OR1C1: variants seen among roughly 807,000 people sequenced by gnomAD.
The protein encoded by OR1C1 is olfactory receptor family 1 subfamily C member 1, also known as olfactory receptor 1C1.
For synonymous variants in OR1C1, 153 were observed against 154.6 expected, an observed-to-expected ratio of 0.99 and a Z score of 0.08; for missense variants, 407 against 384.3, an observed-to-expected ratio of 1.06 and a Z score of -0.49.
chr1:247,757,588 C>T lies in OR1C1; in HGVS notation c.819G>A (p.Leu273=). The part of the protein sequence containing the change: ...SSPHMPESDT[L]STIMYSMVAP... ...CCACCATTGAATACATGATGGTTGA[C>T]AGAGTGTCGCTCTCAGGCATATGGG... Residue 273 remains leucine, a synonymous_variant, in exon 2 of 2, where the codon CTG becomes CTA. Transcript: ENST00000641256. 6.2e-7 allele frequency: 1 copy of T among 1,614,076 alleles called. No individual in the cohort carries two copies. The highest frequency in any genetic ancestry group is 1.3e-5 in the African/African-American group (1 of 75,014).
intron 1 of OR1C1, among the ~76,000 whole-genome samples, chr1:247,759,880 G>A (rs1251030597): frequency 6.6e-6 from 1 of 152,110 alleles, no homozygotes; most frequent in Non-Finnish European, 1.5e-5. Flanking sequence ...GCATGTATTT[G>A]CATGCCTTTG....
At position 247,758,024 on chromosome 1, in the gene OR1C1, T is replaced by A. The variant is rs764321959; in HGVS notation, c.383A>T (p.His128Leu). ...CATTCTGGCGGTGTAATGTAAGGGG[T>A]GGCAAATCGCCACATATCTATCATA... The part of the protein sequence containing the change: ...MAYDRYVAIC[H>L]PLHYTARMNL... The change falls in exon 2 of 2, where the codon CAC (histidine) becomes CTC (leucine). Residue 128 changes from histidine (H) to leucine (L), a missense_variant. Physicochemically the swap from His to Leu is moderately conservative, Grantham distance 99 (BLOSUM62 -3). Coordinates refer to ENST00000641256, the MANE Select transcript of OR1C1 (RefSeq NM_012353.3). The A allele has an allele frequency of 1.9e-6, 3 of 1,613,650 alleles. No individual in the cohort carries two copies. The highest frequency in any genetic ancestry group is 1.3e-5 in the African/African-American group (1 of 74,772).
rs1282569398 is a variant in OR1C1 at position 247,755,125 on chromosome 1, A to C, written c.*2337T>G. ...TGAATATCCATATGGAGATGAATGG[A>C]ATTGGACCCTTATCTGACACCATAT... is the stretch of plus-strand genomic sequence containing the variant. On this transcript the variant is annotated 3_prime_UTR_variant, in exon 2 of 2. Transcript: ENST00000641256. 1 of 152,142 alleles carries C rather than the reference A, an allele frequency of 6.6e-6. No individual in the cohort carries two copies. Among genetic ancestry groups the C allele is most frequent in the Non-Finnish European group, 1.5e-5 (1 of 68,018 alleles). The allele number at this position is 152,142 out of a possible 1,614,324, so 9.4% of individuals were successfully genotyped here.
Position 247,757,247 on chromosome 1 carries a change from C to A in OR1C1, c.*215G>T. 2 of 514,176 alleles carry A rather than the reference C, an allele frequency of 3.9e-6. No individual in the cohort carries two copies. The highest frequency in any genetic ancestry group is 2.7e-5 in the South Asian group (1 of 37,272). 31.9% of individuals were successfully genotyped at this position (514,176 alleles called of 1,614,324 possible). On this transcript the variant is annotated 3_prime_UTR_variant, in exon 2 of 2. Coordinates refer to ENST00000641256, the MANE Select transcript of OR1C1 (RefSeq NM_012353.3). ...GGTTGTATGCAGACTATTTAACTTC[C>A]CTAAGATTCACTTTCTGTATAAAGA... is the stretch of plus-strand genomic sequence containing the variant.
At position 247,756,998 on chromosome 1, in the gene OR1C1, T is replaced by C. The variant is rs781540487; in HGVS notation, c.*464A>G. 37 of 155,790 alleles carry C rather than the reference T, an allele frequency of 2.4e-4. No homozygotes were observed. Among genetic ancestry groups the C allele is most frequent in the Non-Finnish European group, 4.0e-4 (28 of 70,150 alleles). 9.7% of individuals were successfully genotyped at this position (155,790 alleles called of 1,614,324 possible). On this transcript the variant is annotated 3_prime_UTR_variant, in exon 2 of 2. Coordinates refer to ENST00000641256, the MANE Select transcript of OR1C1 (RefSeq NM_012353.3). The surrounding 1 kb of genome is among the most constrained non-coding windows in gnomAD (Gnocchi z 4.3). ...AAGCATACATACTTTAAAACTTGAA[T>C]AAATTATTTTAGTGATTTTTAAGAA...
In OR1C1 at chr1:247,757,797, C is replaced by T. The variant is rs546732043; in HGVS notation, c.610G>A (p.Gly204Ser). 8.1e-5 allele frequency: 131 copies of T among 1,613,816 alleles called. No homozygotes were observed. In the Middle Eastern group the frequency reaches 9.9e-4, roughly 12 times the overall value. The change falls in exon 2 of 2, where the codon GGT becomes AGT. Residue 204 changes from glycine to serine, a missense_variant. Coordinates refer to ENST00000641256, the MANE Select transcript of OR1C1 (RefSeq NM_012353.3). ...ACAAGGGGCGTGAGAGCCAATAGAC[C>T]TCCTACTGCAAAAATGATCATTACA... The part of the protein sequence containing the change: ...FNVMIIFAVG[G>S]LLALTPLVCI...
chr1:247,759,601 G>A (rs1006984713), intron 1 of OR1C1, among the ~76,000 whole-genome samples: 11 of 152,100 alleles, frequency 7.2e-5, no homozygotes, highest in Admixed American at 3.3e-4. Flanking sequence ...TGTATGACAA[G>A]GATCCTAATG....
intron 1 of OR1C1, among the ~76,000 whole-genome samples, chr1:247,759,292 T>C (rs947764213): frequency 6.6e-6 from 1 of 152,220 alleles, no homozygotes; most frequent in African/African-American, 2.4e-5. Flanking sequence ...ATCCGTACTT[T>C]CCTTCAGCAA....
Position 247,757,340 on chromosome 1 carries a change from C to T in OR1C1, c.*122G>A, listed in dbSNP as rs139694907. 405 of 714,678 alleles carry T rather than the reference C, an allele frequency of 5.7e-4. 3 individuals are homozygous for T. The East Asian group carries it at 8.2e-3, about 14-fold the overall frequency. The allele number at this position is 714,678 out of a possible 1,614,324, so 44.3% of individuals were successfully genotyped here. On this transcript the variant is annotated 3_prime_UTR_variant, in exon 2 of 2. Transcript: ENST00000641256. The stretch of plus-strand genomic sequence containing the variant: ...GATAATTCATATAAAGTGCTTAACA[C>T]GATTTCCAGCATAAGGGAGACATTT...
rs112674993 is a variant in OR1C1 at position 247,755,130 on chromosome 1, G to A, written c.*2332C>T. The A allele has an allele frequency of 4.6e-5, 7 of 152,138 alleles. No individual in the cohort carries two copies. Among genetic ancestry groups the A allele is most frequent in the African/African-American group, 9.6e-5 (4 of 41,520 alleles). 9.4% of individuals were successfully genotyped at this position (152,138 alleles called of 1,614,324 possible). A position where few individuals can be genotyped will look rare whatever the true frequency, so the allele number is the denominator to read the frequency against. On this transcript the variant is annotated 3_prime_UTR_variant, in exon 2 of 2. Transcript: ENST00000641256. ...ATCCATATGGAGATGAATGGAATTG[G>A]ACCCTTATCTGACACCATATACAAA...
Position 247,757,964 on chromosome 1 carries a change from A to C in OR1C1, c.443T>G (p.Leu148Arg). ...LCLCVQLVAGLWLVTYLHALL... is the reference protein window; with the variant it reads ...LCLCVQLVAGRWLVTYLHALL... ...GGCGTGGAGGTAAGTAACAAGCCAC[A>C]GTCCAGCCACTAGCTGGACACAAAG... The change falls in exon 2 of 2, where the codon CTG (leucine) becomes CGG (arginine). Residue 148 changes from leucine (L) to arginine (R), a missense_variant. Physicochemically the swap from Leu to Arg is moderately radical, Grantham distance 102. Coordinates refer to ENST00000641256, the MANE Select transcript of OR1C1 (RefSeq NM_012353.3). 6.2e-7 allele frequency: 1 copy of C among 1,614,134 alleles called. No individual in the cohort carries two copies. The highest frequency in any genetic ancestry group is 8.5e-7 in the Non-Finnish European group (1 of 1,180,024).
In OR1C1 at chr1:247,757,522, C is replaced by T. The variant is rs749592913; in HGVS notation, c.885G>A (p.Arg295=). Residue 295 remains arginine, a synonymous_variant, in exon 2 of 2, where the codon AGG becomes AGA. Coordinates refer to ENST00000641256, the MANE Select transcript of OR1C1 (RefSeq NM_012353.3). ...LNPFIYTLRN[R]DMKRGLQKML... ...TTTTCTGAAGTCCCCTCTTCATATC[C>T]CTGTTCCTTAGGGTATAGATGAAAG... 1.5e-5 allele frequency: 25 copies of T among 1,613,800 alleles called. No homozygotes were observed. In the Admixed American group the frequency reaches 2.2e-4, roughly 14 times the overall value.
At chr1:247,759,264 A>G (rs10749655) in intron 1 of OR1C1, among the ~76,000 whole-genome samples, 129,488 of 152,182 alleles carry the variant, frequency 0.85, 56,794 homozygotes, top group East Asian at 0.99. Context: ...AAGCAAGCAA[A>G]CATACATCAT....
chr1:247,759,621 T>C (rs898579365), intron 1 of OR1C1, among the ~76,000 whole-genome samples: 3 of 152,184 alleles, frequency 2.0e-5, no homozygotes, highest in African/African-American at 7.2e-5. Context: ...GAAAATAACA[T>C]AATGTAGCAC....
rs527504757 is a variant in OR1C1, at chr1:247,760,397, T to A, written c.-14+15A>T. The A allele has an allele frequency of 7.2e-5, 11 of 152,186 alleles. No individual in the cohort carries two copies. Among genetic ancestry groups the A allele is most frequent in the African/African-American group, 2.6e-4 (11 of 41,534 alleles). The allele number at this position is 152,186 out of a possible 1,614,324, so 9.4% of individuals were successfully genotyped here. ...GTCTTCACTAAAACAAAGAAAAAAATGTATGAATACATACCCTTTTCTGAG... is the reference window on the plus strand; with the variant it reads ...GTCTTCACTAAAACAAAGAAAAAAAAGTATGAATACATACCCTTTTCTGAG... On this transcript the variant is annotated intron_variant, in intron 1 of 1. Transcript: ENST00000641256.
In OR1C1 at chr1:247,758,284, C is replaced by T. The variant is rs267598482; in HGVS notation, c.123G>A (p.Gly41=). ...FLCMYLATTL[G]NMLIIATIGF... is the part of the protein sequence containing the mutation. ...CAATCGTCGCAATGATGAGCATGTT[C>T]CCCAAGGTGGTGGCTAAATACATAC... The change falls in exon 2 of 2, where the codon GGG becomes GGA. Residue 41 remains glycine (G), a synonymous_variant. Transcript: ENST00000641256. 1 of 1,613,878 alleles carries T rather than the reference C, an allele frequency of 6.2e-7. No individual in the cohort carries two copies. The highest frequency in any genetic ancestry group is 2.2e-5 in the East Asian group (1 of 44,858).
rs1382624748 is a variant in OR1C1 at position 247,757,830 on chromosome 1, A to G, written c.577T>C (p.Ser193Pro). 1.2e-6 allele frequency: 2 copies of G among 1,613,922 alleles called. No individual in the cohort carries two copies. Among genetic ancestry groups the G allele is most frequent in the Non-Finnish European group, 1.7e-6 (2 of 1,179,882 alleles). ...PLLQLSCSDV[S>P]FNVMIIFAVG... The stretch of plus-strand genomic sequence containing the variant: ...GCAAAAATGATCATTACATTGAAGG[A>G]GACGTCAGAGCAAGAGAGCTGCAGG... Residue 193 changes from serine (S) to proline (P), a missense_variant, in exon 2 of 2, where the codon TCC (serine) becomes CCC (proline). Transcript: ENST00000641256.
chr1:247,758,258 C>G lies in OR1C1; in HGVS notation c.149G>C (p.Gly50Ala), dbSNP rs763731253. Residue 50 changes from glycine to alanine, a missense_variant, in exon 2 of 2, where the codon GGC becomes GCC. By Grantham distance (60) the Gly-to-Ala change is moderately conservative. Transcript: ENST00000641256. ...AGGGGAATGGAGGTGAGAGTCAAAG[C>G]CAATCGTCGCAATGATGAGCATGTT... Reference protein sequence around the residue: ...LGNMLIIATIGFDSHLHSPMY... With the variant: ...LGNMLIIATIAFDSHLHSPMY... 1.2e-6 allele frequency: 2 copies of G among 1,613,782 alleles called. No individual in the cohort carries two copies. Among genetic ancestry groups the G allele is most frequent in the East Asian group, 4.5e-5 (2 of 44,880 alleles).
chr1:247,758,109 G>A lies in OR1C1; in HGVS notation c.298C>T (p.Gln100Ter), dbSNP rs1353770435. The stretch of plus-strand genomic sequence containing the variant: ...ACAAAAGAAACGAAGAAGAAGAGCT[G>A]GGTGAGGCAGCCTGCAAAAGAGATA... Reference protein sequence around the residue: ...KTISFAGCLTQLFFFVSFVNM... With the variant: ...KTISFAGCLT The change falls in exon 2 of 2, where the codon CAG becomes TAG. Residue 100 changes from glutamine to a stop codon, truncating the protein, a stop_gained. Transcript: ENST00000641256. LOFTEE classifies it low-confidence loss of function (END_TRUNC). 14 of 1,614,066 alleles carry A rather than the reference G, an allele frequency of 8.7e-6. No homozygotes were observed. The highest frequency in any genetic ancestry group is 1.2e-5 in the Non-Finnish European group (14 of 1,180,000).
Sources: allele counts gnomAD v4.1 joint callset (sites outside exome capture counted in the v4.1 genomes callset), GRCh38; gene constraint gnomAD v4.1.1; non-coding constraint Gnocchi (gnomAD v3.1); transcripts MANE v1.5; gene names NCBI Gene and HGNC (gene_info 2026-07-23, HGNC 2026-07-21).